CFAP47: variants seen among roughly 807,000 people sequenced by gnomAD.
CFAP47 encodes cilia and flagella associated protein 47, also known as cilia- and flagella-associated protein 47.
In CFAP47, 29 loss-of-function variants were observed where a neutral mutation model predicts 148.1. That is an observed-to-expected ratio of 0.20 (90% CI 0.15 to 0.27). The LOEUF (loss-of-function observed/expected upper bound fraction) is 0.27, where lower values mean the gene tolerates loss of function less well. Among genes scored for constraint, CFAP47 ranks in the 10% least tolerant of loss-of-function variants. The pLI is 1.00. For synonymous variants in CFAP47, 664 were observed against 577.3 expected (o/e 1.15, Z -2.15); for missense variants, 1,872 against 1,697.5 (o/e 1.10, Z -1.81).
intron 40 of CFAP47, among the ~76,000 whole-genome samples, chrX:36,183,883 A>G (rs368291441): frequency 8.9e-6 from 1 of 111,907 alleles, no homozygotes; most frequent in East Asian, 2.8e-4. Context: ...AGAAATGAGT[A>G]CTTTGGCAAT....
Position 36,283,670 on chromosome X carries a change from A to T in CFAP47, c.7589-1959A>T, listed in dbSNP as rs186477300. ...TCTGACCTACCCCAATATACTTCAG[A>T]TTTTGGATTTACCAAGCCTCCACAG... is the stretch of plus-strand genomic sequence containing the variant. On this transcript the variant is annotated intron_variant, in intron 50 of 63. Transcript: ENST00000378653. 3.5e-3 allele frequency among the ~76,000 whole-genome samples: 391 copies of T among 112,032 alleles called. 3 individuals carry two copies. Among genetic ancestry groups the T allele is most frequent in the Non-Finnish European group, 3.9e-3 (206 of 53,101 alleles).
rs1043955898 is a variant in CFAP47, at chrX:35,982,952, G to T, written c.2714-6367G>T. ...TCTTGGCTATTTGGGCTCTTTTTAT[G>T]GTTCCATATGAATTTTAAAATAGTA... is the stretch of plus-strand genomic sequence containing the variant. On this transcript the variant is annotated intron_variant, in intron 15 of 63. Transcript: ENST00000378653. 1.1e-4 allele frequency among the ~76,000 whole-genome samples: 12 copies of T among 111,640 alleles called. No homozygotes were observed. The Admixed American group carries it at 1.1e-3, about 11-fold the overall frequency.
chrX:36,144,334 C>A (rs2146836970), intron 35 of CFAP47, among the ~76,000 whole-genome samples: 1 of 111,963 alleles, frequency 8.9e-6, no homozygotes, highest in East Asian at 2.8e-4. Context: ...TTTTTTAACA[C>A]TTAGGTCAAG....
intron 51 of CFAP47, among the ~76,000 whole-genome samples, chrX:36,291,347 G>T (rs1365760901): frequency 8.9e-6 from 1 of 111,803 alleles, no homozygotes; most frequent in East Asian, 2.8e-4. Flanking sequence ...GTGTTTAGGG[G>T]ATAGAAAGGA....
Position 36,336,186 on chromosome X carries a change from CTCTG to C in CFAP47, c.8444-11923_8444-11920del, listed in dbSNP as rs782473183. Among the ~76,000 whole-genome samples, 91 of 107,171 alleles carry C rather than the reference CTCTG, an allele frequency of 8.5e-4. 1 individual carries two copies. The highest frequency in any genetic ancestry group is 4.9e-3 in the Middle Eastern group (1 of 203). 93.1% of individuals were successfully genotyped at this position (107,171 alleles called of 115,157 possible). A position where few individuals can be genotyped will look rare whatever the true frequency, so the allele number is the denominator to read the frequency against. ...CCAAAACCTAAACCCAACACATTCT[CTCTG>C]TCTGTCTGTCTGTCTGTCTCTCTGT... On this transcript the variant is annotated intron_variant, in intron 57 of 63. Coordinates refer to ENST00000378653, the MANE Select transcript of CFAP47 (RefSeq NM_001304548.2).
intron 45 of CFAP47, among the ~76,000 whole-genome samples, chrX:36,221,782 A>G (rs782717780): frequency 9.0e-6 from 1 of 111,402 alleles, no homozygotes; most frequent in East Asian, 2.8e-4. Context: ...AGAAACTTTG[A>G]AATTATTTAT....
chrX:36,171,537 C>A (rs765650291), intron 39 of CFAP47, among the ~76,000 whole-genome samples: 2,973 of 107,917 alleles, frequency 0.028, 42 homozygotes, highest in Non-Finnish European at 0.041. Flanking sequence ...TTTCCCAGCA[C>A]CATTTATTAA....
intron 30 of CFAP47, among the ~76,000 whole-genome samples, chrX:36,093,118 C>G (rs1441747693): frequency 9.0e-6 from 1 of 111,300 alleles, no homozygotes; most frequent in Non-Finnish European, 1.9e-5. Context: ...AATAGTACTC[C>G]ATTGTGTAGT....
At chrX:36,222,568 C>T (rs1342063171) in intron 45 of CFAP47, among the ~76,000 whole-genome samples, 1 of 109,459 alleles carries the variant, frequency 9.1e-6, no homozygotes, top group Non-Finnish European at 1.9e-5. Flanking sequence ...ACAATTTAAG[C>T]AGTTAGTCCA....
chrX:36,133,863 G>T (rs1234267742), intron 33 of CFAP47, among the ~76,000 whole-genome samples: 1 of 107,282 alleles, frequency 9.3e-6, no homozygotes. Context: ...ACCACCTCTT[G>T]CCCCGAGAAA....
At chrX:36,116,382 A>G (rs947748515) in intron 33 of CFAP47, among the ~76,000 whole-genome samples, 1 of 112,338 alleles carries the variant, frequency 8.9e-6, no homozygotes, top group South Asian at 3.6e-4. Flanking sequence ...ACGTTCCTGC[A>G]AAGGACATGA....
chrX:36,312,582 G>A (rs1357181449), intron 56 of CFAP47, among the ~76,000 whole-genome samples: 1 of 111,353 alleles, frequency 9.0e-6, no homozygotes, highest in African/African-American at 3.3e-5. Flanking sequence ...TTCAGGATAG[G>A]TGCAGCCAAA....
At chrX:35,979,324 ACT>A (rs1465970978) in intron 15 of CFAP47, among the ~76,000 whole-genome samples, 1 of 109,464 alleles carries the variant, frequency 9.1e-6, no homozygotes, top group African/African-American at 3.3e-5. Context: ...TTCTAATTTG[ACT>A]TTTTCTGTGG....
intron 40 of CFAP47, among the ~76,000 whole-genome samples, chrX:36,186,178 C>T (rs782789360): frequency 2.4e-4 from 27 of 111,483 alleles, no homozygotes; most frequent in Middle Eastern, 4.7e-3. Flanking sequence ...GTAGTATAAA[C>T]GTATCTGTGA....
Position 35,926,005 on chromosome X carries a change from C to A in CFAP47, c.250-12C>A. On this transcript the variant is annotated splice_polypyrimidine_tract_variant and intron_variant, in intron 1 of 63. Coordinates refer to ENST00000378653, the MANE Select transcript of CFAP47 (RefSeq NM_001304548.2). ...TAAAATGTATAATTTGACTCTCTTT[C>A]TCCCACTGAAGTTCAAACTGATGTT... 1 of 1,182,844 alleles carries A rather than the reference C, an allele frequency of 8.5e-7. No homozygotes were observed. The highest frequency in any genetic ancestry group is 1.1e-6 in the Non-Finnish European group (1 of 877,914).
At chrX:36,372,172 T>G in intron 62 of CFAP47, among the ~76,000 whole-genome samples, 1 of 107,294 alleles carries the variant, frequency 9.3e-6, no homozygotes. Context: ...TCCATTTATT[T>G]CTAACAATAA....
intron 9 of CFAP47, 108 bp downstream of exon 9, chrX:35,966,862 G>A (rs1936415613): frequency 1.9e-6 from 1 of 532,037 alleles, no homozygotes. Flanking sequence ...TGTGAAAGAA[G>A]TGCTTTTAGC....
At chrX:36,048,375 T>A (rs746990155) in intron 26 of CFAP47, among the ~76,000 whole-genome samples, 1 of 111,718 alleles carries the variant, frequency 9.0e-6, no homozygotes, top group East Asian at 2.8e-4. Context: ...AGCCTTTATT[T>A]GCATCTGGTT....
At chrX:36,045,313 C>T (rs1341261669) in intron 25 of CFAP47, among the ~76,000 whole-genome samples, 1 of 111,609 alleles carries the variant, frequency 9.0e-6, no homozygotes, top group Non-Finnish European at 1.9e-5. Context: ...GTGTTCTACT[C>T]CGCTGTGGCT....
Sources: allele counts gnomAD v4.1 joint callset (sites outside exome capture counted in the v4.1 genomes callset), GRCh38; gene constraint gnomAD v4.1.1; transcripts MANE v1.5; gene names NCBI Gene and HGNC (gene_info 2026-07-23, HGNC 2026-07-21).